The following JPH3 variants were observed in gnomAD, a reference collection of about 807,000 sequenced individuals.
The protein encoded by JPH3 is junctophilin 3, also known as junctophilin-3.
A neutral mutation model predicts 59.6 loss-of-function variants in JPH3; 11 were observed. The ratio of observed to expected loss-of-function variants is 0.18; its 90% CI spans 0.12 to 0.31. JPH3 has a LOEUF of 0.31. JPH3 is among the 10% of genes least tolerant of loss of function. JPH3 has a pLI of 1.00. For synonymous variants in JPH3, 673 were observed against 483.6 expected (o/e 1.39, Z -5.14); for missense variants, 1,202 against 1,105.7 (o/e 1.09, Z -1.24).
chr16:87,638,840 G>T (rs552821083), intron 1 of JPH3, among the ~76,000 whole-genome samples: 1 of 152,288 alleles, frequency 6.6e-6, no homozygotes, highest in South Asian at 2.1e-4. Context: ...CCTGACCCCA[G>T]CCTGGCGTCA....
rs754953341 is a variant in JPH3, at chr16:87,689,857, C to T, written c.1497C>T (p.Ala499=). The change falls in exon 4 of 5, where the codon GCC becomes GCT. Residue 499 remains alanine, a synonymous_variant. Transcript: ENST00000284262. ...CGCCCGCCGCCAGGAACAAGGTCGC[C>T]CACTTCTCGAGGCAGGTGTCGGTGG... ...PPAPAARNKV[A]HFSRQVSVDE... is the part of the protein sequence containing the mutation. The T allele has an allele frequency of 4.0e-6, 6 of 1,512,248 alleles. No individual in the cohort carries two copies. Among genetic ancestry groups the T allele is most frequent in the Non-Finnish European group, 5.3e-6 (6 of 1,130,494 alleles). 93.7% of individuals were successfully genotyped at this position (1,512,248 alleles called of 1,614,324 possible).
intron 2 of JPH3, among the ~76,000 whole-genome samples, chr16:87,670,453 C>G (rs901557891): frequency 2.0e-5 from 3 of 152,232 alleles, no homozygotes; most frequent in Non-Finnish European, 4.4e-5. Flanking sequence ...TGGCACTGCA[C>G]TGGGCACCAG....
chr16:87,625,238 G>T (rs77684320), intron 1 of JPH3, among the ~76,000 whole-genome samples: 2,244 of 152,360 alleles, frequency 0.015, 22 homozygotes, highest in Middle Eastern at 0.051. Flanking sequence ...TGGGCATGGT[G>T]AGGTCTGCGT....
chr16:87,677,187 C>CACAA (rs2033166482), intron 2 of JPH3, among the ~76,000 whole-genome samples: 2 of 70,732 alleles, frequency 2.8e-5, no homozygotes, highest in African/African-American at 1.1e-4. Context: ...TATATATATA[C>CACAA]ACACACACAC....
chr16:87,689,616 C>T (rs1282509799), intron 3 of JPH3, 30 bp from the exon 4 acceptor site: 2 of 1,604,272 alleles, frequency 1.2e-6, no homozygotes, highest in South Asian at 1.1e-5. Context: ...TGGGTAACGC[C>T]GTCTGGCGTC....
intron 4 of JPH3, chr16:87,695,606 C>T (rs1243284844): frequency 4.4e-6 from 2 of 455,858 alleles, no homozygotes; most frequent in South Asian, 1.5e-5. Context: ...GTGTCCCAGC[C>T]ATTCCTGGGC....
At position 87,603,086 on chromosome 16, in the gene JPH3, G is replaced by A. The variant is rs892025231; in HGVS notation, c.-61G>A. On this transcript the variant is annotated 5_prime_UTR_variant, in exon 1 of 5. Transcript: ENST00000284262. ...CAGGGCCGCCGGCGGCCGCGACTCT[G>A]CTGTGTCGATCGCCTGAGTCCGTTT... 8.7e-6 allele frequency: 14 copies of A among 1,610,674 alleles called. No homozygotes were observed. In the South Asian group the frequency reaches 1.5e-4, roughly 18 times the overall value.
chr16:87,608,573 G>A (rs1388940820), intron 1 of JPH3, among the ~76,000 whole-genome samples: 2 of 152,210 alleles, frequency 1.3e-5, no homozygotes, highest in East Asian at 1.9e-4. Context: ...GAGGAGGAGA[G>A]AAGAGAGGCA....
chr16:87,695,558 T>C (rs899244137), intron 4 of JPH3: 10 of 454,744 alleles, frequency 2.2e-5, no homozygotes, highest in Non-Finnish European at 8.9e-6. Context: ...CAGGGGCAAG[T>C]GTCCTCTGGA....
intron 1 of JPH3, among the ~76,000 whole-genome samples, chr16:87,624,275 A>G (rs971842690): frequency 1.3e-5 from 2 of 152,160 alleles, no homozygotes; most frequent in African/African-American, 2.4e-5. Context: ...GAACATTTTC[A>G]TCGTCTCAAG....
At chr16:87,664,869 C>G (rs2150862227) in intron 2 of JPH3, among the ~76,000 whole-genome samples, 1 of 152,256 alleles carries the variant, frequency 6.6e-6, no homozygotes, top group East Asian at 1.9e-4. Flanking sequence ...TGCAGAGGCC[C>G]AAGGAAGCGT....
intron 2 of JPH3, among the ~76,000 whole-genome samples, chr16:87,655,349 G>C (rs1018301712): frequency 1.4e-4 from 7 of 49,980 alleles, no homozygotes; most frequent in African/African-American, 4.8e-4. Context: ...TATTTTTTGT[G>C]ACAGGGTGTT....
chr16:87,694,300 G>A (rs1230391566), intron 4 of JPH3: 2 of 152,318 alleles, frequency 1.3e-5, no homozygotes, highest in African/African-American at 2.4e-5. Flanking sequence ...ACCCAGGGAA[G>A]ACCAGCCTAG....
At chr16:87,639,627 C>CCCG (rs2031875073) in intron 1 of JPH3, among the ~76,000 whole-genome samples, 34 of 150,694 alleles carry the variant, frequency 2.3e-4, no homozygotes, top group Admixed American at 1.6e-3. Flanking sequence ...CTCCTGGCCT[C>CCCG]CCTCCTGGCC....
chr16:87,614,886 G>A (rs1176444938), intron 1 of JPH3, among the ~76,000 whole-genome samples: 1 of 112,146 alleles, frequency 8.9e-6, no homozygotes, highest in African/African-American at 3.7e-5. Flanking sequence ...GGAGCCGCGC[G>A]TCCCCTCCCG....
intron 2 of JPH3, among the ~76,000 whole-genome samples, chr16:87,658,286 T>C (rs2032574991): frequency 6.6e-6 from 1 of 152,142 alleles, no homozygotes; most frequent in African/African-American, 2.4e-5. Flanking sequence ...GGATTCTGCA[T>C]TGTCTGCCTT....
At position 87,627,835 on chromosome 16, in the gene JPH3, G is replaced by A. The variant is rs567873766; in HGVS notation, c.383-16423G>A. On this transcript the variant is annotated intron_variant, in intron 1 of 4. Transcript: ENST00000284262. Reference sequence around the variant, plus strand: ...CTTGGAGAGGGGCCAGTCCTGCCCCGAGGTGCCATCTCTGCACAGGTAACA... The same window carrying A: ...CTTGGAGAGGGGCCAGTCCTGCCCCAAGGTGCCATCTCTGCACAGGTAACA... Among the ~76,000 whole-genome samples the A allele has an allele frequency of 1.1e-4, 16 of 152,318 alleles. No homozygotes were observed. In the South Asian group the frequency reaches 2.9e-3, roughly 28 times the overall value.
chr16:87,673,841 G>A (rs566490431), intron 2 of JPH3, among the ~76,000 whole-genome samples: 1 of 152,068 alleles, frequency 6.6e-6, no homozygotes, highest in Non-Finnish European at 1.5e-5. Context: ...CAGAAGAATC[G>A]CTTGAACCTG....
At chr16:87,639,694 C>T (rs1286884178) in intron 1 of JPH3, among the ~76,000 whole-genome samples, 1 of 151,364 alleles carries the variant, frequency 6.6e-6, no homozygotes, top group East Asian at 1.9e-4. Context: ...CCCCTCGCAC[C>T]CTCCGTTCTA....
Sources: gnomAD v4.1 joint callset for allele counts (sites outside exome capture counted in the v4.1 genomes callset) on GRCh38, gnomAD v4.1.1 for gene constraint, MANE v1.5 for transcripts, NCBI Gene and HGNC (gene_info 2026-07-23, HGNC 2026-07-21) for gene names.